Variants in ALOX5AP observed in about 807,000 individuals in gnomAD.
ALOX5AP encodes arachidonate 5-lipoxygenase-activating protein.
In ALOX5AP, 9 loss-of-function variants were observed where a neutral mutation model predicts 18.5. The ratio of observed to expected loss-of-function variants is 0.49; its 90% CI spans 0.29 to 0.85. ALOX5AP has a LOEUF of 0.85. Ranked by LOEUF, ALOX5AP falls within the 40% of genes least tolerant of loss-of-function variation. The pLI is 0.08. For missense variants in ALOX5AP, 172 were observed against 202.5 expected, an observed-to-expected ratio of 0.85 and a Z score of 0.91; for synonymous variants, 81 against 78.6, an observed-to-expected ratio of 1.03 and a Z score of -0.16.
intron 1 of ALOX5AP, among the ~76,000 whole-genome samples, chr13:30,718,707 G>A (rs1951569561): frequency 6.6e-6 from 1 of 152,122 alleles, no homozygotes; most frequent in African/African-American, 2.4e-5. Context: ...GTTTACACTG[G>A]AAGCTGAGGT....
chr13:30,753,563 C>G (rs772509339), intron 3 of ALOX5AP, among the ~76,000 whole-genome samples: 1 of 152,172 alleles, frequency 6.6e-6, no homozygotes, highest in African/African-American at 2.4e-5. Flanking sequence ...ATCGTCATTT[C>G]TTAGGAATAA....
At chr13:30,743,841 G>T (rs1951786698) in intron 1 of ALOX5AP, among the ~76,000 whole-genome samples, 1 of 152,048 alleles carries the variant, frequency 6.6e-6, no homozygotes, top group Non-Finnish European at 1.5e-5. Context: ...AGAAAGTGGG[G>T]GCCGTGCCTT....
chr13:30,713,512 A>C, exon 1 of ALOX5AP: 2 of 547,442 alleles, frequency 3.7e-6, no homozygotes, highest in Non-Finnish European at 6.5e-6. Context: ...TGAAGGGGTC[A>C]CAGCTCTGGC....
rs777267497 is a variant in ALOX5AP at position 30,752,132 on chromosome 13, A to T, written c.241+10A>T. The T allele has an allele frequency of 5.0e-6, 8 of 1,613,248 alleles. No individual in the cohort carries two copies. In the South Asian group the frequency reaches 8.8e-5, roughly 18 times the overall value. On this transcript the variant is annotated intron_variant, in intron 3 of 4. Coordinates refer to ENST00000380490, the MANE Select transcript of ALOX5AP (RefSeq NM_001629.4). Reference sequence around the variant, plus strand: ...CTACTTTGCAGCCAAGGTAACTCAGACTTCCCTTTGTTCATTCTCCTTCTA... The same window carrying T: ...CTACTTTGCAGCCAAGGTAACTCAGTCTTCCCTTTGTTCATTCTCCTTCTA...
At chr13:30,713,531 G>C in exon 1 of ALOX5AP, 1 of 564,380 alleles carries the variant, frequency 1.8e-6, no homozygotes, top group Non-Finnish European at 3.2e-6. Context: ...GCAAAGATGG[G>C]GTTGAAAGGG....
At chr13:30,722,554 T>C (rs908165967) in intron 1 of ALOX5AP, among the ~76,000 whole-genome samples, 1 of 152,148 alleles carries the variant, frequency 6.6e-6, no homozygotes, top group African/African-American at 2.4e-5. Flanking sequence ...AGTGAGGCAA[T>C]GAAAGAACAT....
At chr13:30,742,170 G>C (rs1951771666) in intron 1 of ALOX5AP, among the ~76,000 whole-genome samples, 1 of 152,106 alleles carries the variant, frequency 6.6e-6, no homozygotes, top group Admixed American at 6.5e-5. Flanking sequence ...ACAAAAATTA[G>C]CCGGGCGTGA....
chr13:30,752,058 C>A lies in ALOX5AP; in HGVS notation c.177C>A (p.Asn59Lys), dbSNP rs777940375. 6 of 1,613,978 alleles carry A rather than the reference C, an allele frequency of 3.7e-6. No homozygotes were observed. Among genetic ancestry groups the A allele is most frequent in the Non-Finnish European group, 5.1e-6 (6 of 1,179,968 alleles). ...TTGTTTGTTTATTCTGCAGCCAGAA[C>A]TGTGTAGATGCGTACCCCACTTTCC... is the stretch of plus-strand genomic sequence containing the variant. The part of the protein sequence containing the change: ...AFERVYTANQ[N>K]CVDAYPTFLA... The change falls in exon 3 of 5, where the codon AAC becomes AAA. Residue 59 changes from asparagine to lysine, a missense_variant. By Grantham distance (94) the Asn-to-Lys change is moderately conservative. Coordinates refer to ENST00000380490, the MANE Select transcript of ALOX5AP (RefSeq NM_001629.4).
At chr13:30,763,845 AT>A (rs1300271153) in intron 4 of ALOX5AP, 98 bp from the exon 5 acceptor site, 9 of 1,169,872 alleles carry the variant, frequency 7.7e-6, no homozygotes, top group Non-Finnish European at 1.1e-5. Flanking sequence ...GGGAGCTATA[AT>A]TTAAACCCCA....
At chr13:30,739,686 C>G (rs145766338) in intron 1 of ALOX5AP, among the ~76,000 whole-genome samples, 1 of 152,154 alleles carries the variant, frequency 6.6e-6, no homozygotes, top group African/African-American at 2.4e-5. Context: ...CCTCCTGCCT[C>G]GACCTCCCAA....
At chr13:30,713,606 C>T (rs1002343754) in exon 1 of ALOX5AP, 2 of 720,590 alleles carry the variant, frequency 2.8e-6, no homozygotes, top group Non-Finnish European at 4.7e-6. Context: ...TGCCCCCTCA[C>T]ACCTCCTCTC....
chr13:30,754,907 A>G (rs933480263), intron 3 of ALOX5AP, among the ~76,000 whole-genome samples: 1 of 152,242 alleles, frequency 6.6e-6, no homozygotes, highest in Non-Finnish European at 1.5e-5. Flanking sequence ...TGGAGACTCA[A>G]GTTCCCAAAA....
intron 4 of ALOX5AP, among the ~76,000 whole-genome samples, chr13:30,762,019 G>A (rs1216340603): frequency 6.6e-6 from 1 of 152,184 alleles, no homozygotes; most frequent in Non-Finnish European, 1.5e-5. Flanking sequence ...CTTATCTCAT[G>A]AACATGACTG....
At chr13:30,744,202 CA>C (rs752662748) in intron 2 of ALOX5AP, 43 bp downstream of exon 2, 1 of 1,564,174 alleles carries the variant, frequency 6.4e-7, no homozygotes, top group Non-Finnish European at 8.8e-7. Context: ...GGGGCATGGG[CA>C]GGGGGGCCTC....
chr13:30,758,106 C>T (rs772311360), intron 4 of ALOX5AP, among the ~76,000 whole-genome samples: 6 of 152,172 alleles, frequency 3.9e-5, no homozygotes, highest in Non-Finnish European at 7.3e-5. Flanking sequence ...TACTGCTTAA[C>T]ACAACCACTC....
chr13:30,713,545 G>A (rs374029177), exon 1 of ALOX5AP: 12 of 577,778 alleles, frequency 2.1e-5, no homozygotes, highest in Admixed American at 6.1e-5. Context: ...GAAAGGGCCC[G>A]GACTCCAGGG....
rs995508991 is a variant in ALOX5AP at position 30,751,081 on chromosome 13, T to G, written c.171-971T>G. ...AGTAAAAGGGTGTTTTTTGTTTTTT[T>G]GAGACAGAGTCTTGCTCTGTTGCCT... On this transcript the variant is annotated intron_variant, in intron 2 of 4. Transcript: ENST00000380490. 3.3e-5 allele frequency among the ~76,000 whole-genome samples: 5 copies of G among 152,206 alleles called. No individual in the cohort carries two copies. The East Asian group carries it at 7.7e-4, about 23-fold the overall frequency.
At position 30,713,688 on chromosome 13, in the gene ALOX5AP, C is replaced by T. The variant is rs755393520; in HGVS notation, c.-38C>T. On this transcript the variant is annotated 5_prime_UTR_variant, in exon 1 of 6. Coordinates refer to the ALOX5AP transcript ENST00000617770. ...TGCAAGAACTCTGTAGAACTGACTT[C>T]ACTGTGAACCAGGCTCCAGAAGTCA... The T allele has an allele frequency of 4.8e-4, 668 of 1,379,066 alleles. 1 individual carries two copies. Among genetic ancestry groups the T allele is most frequent in the Non-Finnish European group, 5.9e-4 (597 of 1,004,552 alleles). The allele number at this position is 1,379,066 out of a possible 1,614,324, so 85.4% of individuals were successfully genotyped here. A position where few individuals can be genotyped will look rare whatever the true frequency, so the allele number is the denominator to read the frequency against.
chr13:30,724,710 C>A (rs895591933), intron 1 of ALOX5AP, among the ~76,000 whole-genome samples: 1 of 152,204 alleles, frequency 6.6e-6, no homozygotes, highest in African/African-American at 2.4e-5. Context: ...CATGGGCCAC[C>A]GTGTTGTCTT....
Sources: gnomAD v4.1 joint callset for allele counts (sites outside exome capture counted in the v4.1 genomes callset) on GRCh38, gnomAD v4.1.1 for gene constraint, MANE v1.5 for transcripts, NCBI Gene and HGNC (gene_info 2026-07-23, HGNC 2026-07-21) for gene names.